PAK5: variants seen among roughly 807,000 people sequenced by gnomAD.
PAK5 encodes serine/threonine-protein kinase PAK 5.
In PAK5, 16 loss-of-function variants were observed where a neutral mutation model predicts 65.9. That is an observed-to-expected ratio of 0.24 (90% CI 0.16 to 0.37). The LOEUF (loss-of-function observed/expected upper bound fraction) is 0.37. PAK5 is among the 10% of genes least tolerant of loss of function. The pLI is 1.00. For missense variants in PAK5, 785 were observed against 903.9 expected (o/e 0.87, Z 1.69); for synonymous variants, 371 against 354.9 (o/e 1.05, Z -0.51).
At chr20:9,753,961 G>A (rs1010504780) in intron 1 of PAK5, among the ~76,000 whole-genome samples, 6 of 152,136 alleles carry the variant, frequency 3.9e-5, no homozygotes, top group African/African-American at 1.4e-4. Context: ...TCTCCAGAGA[G>A]CATTCCCTCA....
chr20:9,636,117 A>G (rs1317569744), intron 3 of PAK5, among the ~76,000 whole-genome samples: 1 of 152,220 alleles, frequency 6.6e-6, no homozygotes, highest in Non-Finnish European at 1.5e-5. Context: ...AAAGGGAAAT[A>G]ATGCTAGAAA....
At chr20:9,786,406 C>A (rs760945434) in intron 1 of PAK5, among the ~76,000 whole-genome samples, 1 of 152,114 alleles carries the variant, frequency 6.6e-6, no homozygotes, top group Non-Finnish European at 1.5e-5. Flanking sequence ...CATGTTCATT[C>A]TAACACTGGC....
chr20:9,553,421 C>A (rs2045460300), intron 7 of PAK5, among the ~76,000 whole-genome samples: 1 of 152,088 alleles, frequency 6.6e-6, no homozygotes, highest in Non-Finnish European at 1.5e-5. Flanking sequence ...TTATAACCAC[C>A]ACCAAAATCA....
In PAK5 at chr20:9,542,715, G is replaced by A. The variant is rs1203714887; in HGVS notation, c.1875C>T (p.Asp625=). The part of the protein sequence containing the change: ...ISRLPYGTEV[D]IWSLGIMVIE... ...TCACCATGATCCCGAGGGACCAGATGTCCACCTGTTAGGCACACCCTACTG... is the reference window on the plus strand; with the variant it reads ...TCACCATGATCCCGAGGGACCAGATATCCACCTGTTAGGCACACCCTACTG... The change falls in exon 9 of 10, where the codon GAC becomes GAT. Residue 625 remains aspartate, a synonymous_variant. Transcript: ENST00000353224. 1 of 1,613,936 alleles carries A rather than the reference G, an allele frequency of 6.2e-7. No homozygotes were observed. Among genetic ancestry groups the A allele is most frequent in the Non-Finnish European group, 8.5e-7 (1 of 1,179,872 alleles).
At chr20:9,618,536 AGCTGAGATT>A (rs1569002406) in intron 3 of PAK5, among the ~76,000 whole-genome samples, 1 of 151,122 alleles carries the variant, frequency 6.6e-6, no homozygotes, top group Admixed American at 6.6e-5. Context: ...CCTCCCGAGT[AGCTGAGATT>A]GCAGGCATGT....
At chr20:9,764,679 T>A (rs2048736865) in intron 1 of PAK5, among the ~76,000 whole-genome samples, 1 of 151,858 alleles carries the variant, frequency 6.6e-6, no homozygotes, top group East Asian at 1.9e-4. Flanking sequence ...TAGAAAAGAG[T>A]CTTCATTAGG....
At chr20:9,765,674 C>T (rs1020240317) in intron 1 of PAK5, among the ~76,000 whole-genome samples, 1 of 152,112 alleles carries the variant, frequency 6.6e-6, no homozygotes, top group Non-Finnish European at 1.5e-5. Context: ...CCTGCTTCTC[C>T]CTGCCCAACC....
chr20:9,726,771 A>G (rs750417356), intron 1 of PAK5, among the ~76,000 whole-genome samples: 1 of 152,148 alleles, frequency 6.6e-6, no homozygotes. Flanking sequence ...ACCATGGCAC[A>G]TGTATAGCTA....
intron 1 of PAK5, among the ~76,000 whole-genome samples, chr20:9,752,696 A>G (rs1270722139): frequency 2.0e-5 from 3 of 152,150 alleles, no homozygotes. Context: ...TGTAAGAATT[A>G]CTGATTTAAT....
chr20:9,650,398 G>A (rs2047187974), intron 2 of PAK5, among the ~76,000 whole-genome samples: 1 of 152,088 alleles, frequency 6.6e-6, no homozygotes, highest in African/African-American at 2.4e-5. Flanking sequence ...GGTTTCTAGG[G>A]GGATTTGACC....
At chr20:9,801,756 A>G (rs1307387006) in intron 1 of PAK5, among the ~76,000 whole-genome samples, 1 of 152,138 alleles carries the variant, frequency 6.6e-6, no homozygotes. Flanking sequence ...TTATTAATTC[A>G]TTCTAGTAAG....
intron 1 of PAK5, among the ~76,000 whole-genome samples, chr20:9,811,049 T>C (rs1600399410): frequency 6.6e-6 from 1 of 152,224 alleles, no homozygotes; most frequent in Non-Finnish European, 1.5e-5. Flanking sequence ...ATGTGGATAG[T>C]ATGATTTGCT....
Position 9,794,695 on chromosome 20 carries a change from A to G in PAK5, c.-162+44067T>C, listed in dbSNP as rs554856184. On this transcript the variant is annotated intron_variant, in intron 1 of 9. Transcript: ENST00000353224. ...AGGAATTAAGAAACCAGAGGAAAAA[A>G]CATAGGCACATTGAGTTTCCCTGTT... is the stretch of plus-strand genomic sequence containing the variant. Among the ~76,000 whole-genome samples, 122 of 152,208 alleles carry G rather than the reference A, an allele frequency of 8.0e-4. 1 individual carries two copies. In the Middle Eastern group the frequency reaches 0.02, roughly 25 times the overall value.
intron 1 of PAK5, among the ~76,000 whole-genome samples, chr20:9,774,292 CACGA>C (rs895052453): frequency 6.6e-6 from 1 of 152,182 alleles, no homozygotes; most frequent in African/African-American, 2.4e-5. Context: ...TTGGAGAAAA[CACGA>C]ACATGCACAA....
chr20:9,546,343 A>G (rs529458595), intron 7 of PAK5, among the ~76,000 whole-genome samples: 1 of 152,274 alleles, frequency 6.6e-6, no homozygotes, highest in Non-Finnish European at 1.5e-5. Context: ...CTCACTCCTA[A>G]TTTAGCATTA....
At chr20:9,710,224 G>A (rs1286172795) in intron 2 of PAK5, among the ~76,000 whole-genome samples, 4 of 152,088 alleles carry the variant, frequency 2.6e-5, no homozygotes, top group Non-Finnish European at 5.9e-5. Flanking sequence ...CAGGAAGCAG[G>A]AGAAGAGCTA....
intron 1 of PAK5, among the ~76,000 whole-genome samples, chr20:9,741,024 T>C (rs2048445411): frequency 6.6e-6 from 1 of 152,190 alleles, no homozygotes; most frequent in South Asian, 2.1e-4. Context: ...ACCTTAGACA[T>C]ACCTATCACA....
intron 3 of PAK5, among the ~76,000 whole-genome samples, chr20:9,608,541 A>G (rs1345233863): frequency 1.3e-5 from 2 of 152,226 alleles, no homozygotes; most frequent in East Asian, 3.9e-4. Flanking sequence ...GACATCCATG[A>G]TCTCAAGTGA....
chr20:9,824,358 A>T (rs2049460186), intron 1 of PAK5, among the ~76,000 whole-genome samples: 1 of 152,222 alleles, frequency 6.6e-6, no homozygotes, highest in Non-Finnish European at 1.5e-5. Flanking sequence ...GTTCAAGACC[A>T]GCCTGGGCAA....
Sources: allele counts gnomAD v4.1 joint callset (sites outside exome capture counted in the v4.1 genomes callset), GRCh38; gene constraint gnomAD v4.1.1; transcripts MANE v1.5; gene names NCBI Gene and HGNC (gene_info 2026-07-23, HGNC 2026-07-21).